MUC17: variants seen among roughly 807,000 people sequenced by gnomAD.
The protein encoded by MUC17 is mucin 17, cell surface associated.
MUC17 carries 190 observed loss-of-function variants against 170.3 expected under a neutral mutation model. The observed-to-expected ratio is 1.12, with a 90% CI of 0.99 to 1.26. The LOEUF (loss-of-function observed/expected upper bound fraction) is 1.26, where lower values mean the gene tolerates loss of function less well. Among genes scored for constraint, MUC17 ranks in the 50% most tolerant of loss-of-function variants. The probability of loss-of-function intolerance (pLI) is 0.00; values close to 1 mark genes in which losing one functional copy is unlikely to be tolerated. For missense variants in MUC17, 6,415 were observed against 5,530.0 expected, an observed-to-expected ratio of 1.16 and a Z score of -5.08; for synonymous variants, 2,325 against 2,002.5, an observed-to-expected ratio of 1.16 and a Z score of -4.30.
At chr7:101,046,710 C>A (rs1450924085) in intron 3 of MUC17, among the ~76,000 whole-genome samples, 1 of 151,838 alleles carries the variant, frequency 6.6e-6, no homozygotes, top group East Asian at 1.9e-4. Context: ...CCCAGGAGGT[C>A]AAGGCTGTAG....
chr7:101,053,105 C>T lies in MUC17; in HGVS notation c.13223C>T (p.Ala4408Val), dbSNP rs1426532033. 6.2e-7 allele frequency: 1 copy of T among 1,614,010 alleles called. No homozygotes were observed. The highest frequency in any genetic ancestry group is 1.3e-5 in the African/African-American group (1 of 74,916). ...GTGCTGATGCTGATCATCCTGGTAG[C>T]TCTCCTGATGCTCGTTTTCCGCTCC... ...GVVLMLIILV[A>V]LLMLVFRSKR... The change falls in exon 10 of 13, where the codon GCT (alanine) becomes GTT (valine). Residue 4408 changes from alanine to valine, a missense_variant. Physicochemically the swap from Ala to Val is moderately conservative, Grantham distance 64. Coordinates refer to ENST00000306151, the MANE Select transcript of MUC17 (RefSeq NM_001040105.2).
chr7:101,033,166 A>T lies in MUC17; in HGVS notation c.1750A>T (p.Ser584Cys), dbSNP rs1794347442. The T allele has an allele frequency of 6.2e-7, 1 of 1,613,970 alleles. No homozygotes were observed. The highest frequency in any genetic ancestry group is 1.1e-5 in the South Asian group (1 of 91,080). The part of the protein sequence containing the change: ...NMPVSTRLVV[S>C]SEASTTSTTP... ...GCCTGTCAGCACCAGGCTGGTGGTC[A>T]GTTCTGAGGCTAGCACCACTTCAAC... The change falls in exon 3 of 13, where the codon AGT becomes TGT. Residue 584 changes from serine to cysteine, a missense_variant. Ser to Cys is a moderately radical substitution (Grantham distance 112). Coordinates refer to ENST00000306151, the MANE Select transcript of MUC17 (RefSeq NM_001040105.2).
Position 101,020,107 on chromosome 7 carries a change from C to A in MUC17, c.-29C>A. 6.4e-7 allele frequency: 1 copy of A among 1,558,720 alleles called. No homozygotes were observed. The highest frequency in any genetic ancestry group is 8.7e-7 in the Non-Finnish European group (1 of 1,150,110). ...ATTTCGCCAGCTCCTCTGGGGGTGA[C>A]AGGCAAGTGAGACGTGCTCAGAGCT... On this transcript the variant is annotated 5_prime_UTR_variant, in exon 1 of 13. Coordinates refer to ENST00000306151, the MANE Select transcript of MUC17 (RefSeq NM_001040105.2).
Position 101,036,445 on chromosome 7 carries a change from G to A in MUC17, c.5029G>A (p.Gly1677Ser). 6.2e-7 allele frequency: 1 copy of A among 1,611,192 alleles called. No homozygotes were observed. ...EVSSSPTPAE[G>S]TSMPTSTYTE... ...CAGTTCATCTCCTACACCTGCTGAA[G>A]GTACCAGCATGCCAACCTCAACTTA... Residue 1677 changes from glycine to serine, a missense_variant, in exon 3 of 13, where the codon GGT becomes AGT. Gly to Ser is a moderately conservative substitution (Grantham distance 56). Transcript: ENST00000306151.
chr7:101,045,891 G>A (rs904164558), intron 3 of MUC17, among the ~76,000 whole-genome samples: 5 of 152,194 alleles, frequency 3.3e-5, no homozygotes, highest in African/African-American at 1.2e-4. Context: ...TCTGGTGTCG[G>A]TCACATCTTT....
intron 3 of MUC17, 52 bp from the exon 4 acceptor site, chr7:101,047,932 A>T: frequency 6.6e-7 from 1 of 1,525,194 alleles, no homozygotes; most frequent in Non-Finnish European, 8.8e-7. Context: ...CCTTCCAGTG[A>T]GGTGCCTCAA....
Position 101,038,316 on chromosome 7 carries a change from A to G in MUC17, c.6900A>G (p.Ser2300=). Residue 2300 remains serine, a synonymous_variant, in exon 3 of 13, where the codon TCA becomes TCG. Transcript: ENST00000306151. ...CCAATTCTGAGGTTAGCACCCTTTC[A>G]ACAACTCCTGTTGACTCCAACACTC... The part of the protein sequence containing the change: ...LVANSEVSTL[S]TTPVDSNTPF... The G allele has an allele frequency of 6.2e-7, 1 of 1,613,182 alleles. No homozygotes were observed. The highest frequency in any genetic ancestry group is 8.5e-7 in the Non-Finnish European group (1 of 1,179,630).
chr7:101,024,642 T>C (rs142971235), intron 1 of MUC17, among the ~76,000 whole-genome samples: 14 of 152,136 alleles, frequency 9.2e-5, no homozygotes, highest in African/African-American at 2.9e-4. Context: ...ACATGAACAA[T>C]CTATTTCTCT....
In MUC17 at chr7:101,039,384, T is replaced by C. The variant is rs780376140; in HGVS notation, c.7968T>C (p.Thr2656=). 6.2e-7 allele frequency: 1 copy of C among 1,611,902 alleles called. No homozygotes were observed. Among genetic ancestry groups the C allele is most frequent in the Non-Finnish European group, 8.5e-7 (1 of 1,179,174 alleles). The part of the protein sequence containing the change: ...ASSEASTLST[T]PVDTRTLVTT... ...CTGAGGCTAGCACCCTTTCAACAAC[T>C]CCTGTTGACACCAGGACACTTGTGA... Residue 2656 remains threonine, a synonymous_variant, in exon 3 of 13, where the codon ACT becomes ACC. Transcript: ENST00000306151.
In MUC17 at chr7:101,038,599, G is replaced by T. The variant is rs1385496302; in HGVS notation, c.7183G>T (p.Gly2395Ter). Residue 2395 changes from glycine to a stop codon, truncating the protein, a stop_gained, in exon 3 of 13, where the codon GGA becomes TGA. Coordinates refer to ENST00000306151, the MANE Select transcript of MUC17 (RefSeq NM_001040105.2). LOFTEE classifies it high-confidence loss of function. ...TSMPTSTYSE[G>*]STPLTSVPVS... ...CATGCCAACCTCAACTTATAGTGAA[G>T]GAAGCACTCCACTAACAAGTGTGCC... 1 of 1,614,086 alleles carries T rather than the reference G, an allele frequency of 6.2e-7. No individual in the cohort carries two copies. Among genetic ancestry groups the T allele is most frequent in the South Asian group, 1.1e-5 (1 of 91,082 alleles).
Position 101,040,632 on chromosome 7 carries a change from C to G in MUC17, c.9216C>G (p.Asp3072Glu), listed in dbSNP as rs550799591. The G allele has an allele frequency of 6.2e-7, 1 of 1,612,132 alleles. No individual in the cohort carries two copies. The highest frequency in any genetic ancestry group is 1.1e-5 in the South Asian group (1 of 90,916). Residue 3072 changes from aspartate (D) to glutamate (E), a missense_variant, in exon 3 of 13, where the codon GAC (aspartate) becomes GAG (glutamate). Coordinates refer to ENST00000306151, the MANE Select transcript of MUC17 (RefSeq NM_001040105.2). ...EASTLSTTPVDSNSPVVTSTE... is the reference protein window; with the variant it reads ...EASTLSTTPVESNSPVVTSTE... ...GCACCCTTTCAACAACTCCTGTTGA[C>G]TCCAACAGTCCTGTGGTCACTTCTA...
In MUC17 at chr7:101,038,366, G is replaced by T. The variant is rs1461842840; in HGVS notation, c.6950G>T (p.Ser2317Ile). ...NTPFTTSTEA[S>I]SPPPTAEGTS... ...CCTTTCACTACTTCTACTGAAGCCA[G>T]TTCACCTCCTCCCACTGCTGAAGGT... Residue 2317 changes from serine to isoleucine, a missense_variant, in exon 3 of 13, where the codon AGT becomes ATT. Transcript: ENST00000306151. The T allele has an allele frequency of 1.9e-6, 3 of 1,613,004 alleles. No individual in the cohort carries two copies. The South Asian group carries it at 3.3e-5, about 18-fold the overall frequency.
At position 101,033,102 on chromosome 7, in the gene MUC17, C is replaced by T; in HGVS notation, c.1686C>T (p.Thr562=). Residue 562 remains threonine (T), a synonymous_variant, in exon 3 of 13, where the codon ACC becomes ACT. Transcript: ENST00000306151. ...CTCCTGAAGGTACCAGCATACCAAC[C>T]TCAACTCCTAGTGAAGGAAGCACTC... The part of the protein sequence containing the change: ...STTPEGTSIP[T]STPSEGSTPL... 1.2e-6 allele frequency: 2 copies of T among 1,612,026 alleles called. No homozygotes were observed. Among genetic ancestry groups the T allele is most frequent in the Non-Finnish European group, 1.7e-6 (2 of 1,178,762 alleles).
At chr7:101,050,679 G>C in intron 7 of MUC17, 44 bp downstream of exon 7, 3 of 1,595,216 alleles carry the variant, frequency 1.9e-6, no homozygotes, top group Non-Finnish European at 2.6e-6. Flanking sequence ...AGGCATCAGA[G>C]CTGGGGCATG....
intron 1 of MUC17, among the ~76,000 whole-genome samples, chr7:101,024,517 C>A (rs981153366): frequency 3.3e-5 from 5 of 152,148 alleles, no homozygotes; most frequent in Non-Finnish European, 7.4e-5. Context: ...TCTCTTCCAT[C>A]CCCATCCTCC....
At chr7:101,020,608 A>T (rs1175415480) in intron 1 of MUC17, among the ~76,000 whole-genome samples, 3 of 152,028 alleles carry the variant, frequency 2.0e-5, no homozygotes, top group Non-Finnish European at 4.4e-5. Context: ...TACCCAGTGA[A>T]TGTTCCCGCC....
chr7:101,042,202 C>A lies in MUC17; in HGVS notation c.10786C>A (p.Pro3596Thr), dbSNP rs199851758. 36 of 1,614,054 alleles carry A rather than the reference C, an allele frequency of 2.2e-5. No individual in the cohort carries two copies. The Admixed American group carries it at 4.2e-4, about 19-fold the overall frequency. The change falls in exon 3 of 13, where the codon CCT becomes ACT. Residue 3596 changes from proline to threonine, a missense_variant. Coordinates refer to ENST00000306151, the MANE Select transcript of MUC17 (RefSeq NM_001040105.2). ...TGTGACCAGTTCTGAGGCTAGCACA[C>A]CTTCCACTCCTTCTGTTGACAGAAG... ...TYVTSSEASTPSTPSVDRSTP... is the reference protein window; with the variant it reads ...TYVTSSEASTTSTPSVDRSTP...
rs2116409492 is a variant in MUC17, at chr7:101,032,814, T to G, written c.1398T>G (p.Ser466Arg). 6.2e-7 allele frequency: 1 copy of G among 1,613,978 alleles called. No individual in the cohort carries two copies. Among genetic ancestry groups the G allele is most frequent in the East Asian group, 2.2e-5 (1 of 44,860 alleles). ...SMPVSTTPVASSEASNLSTTP... is the reference protein window; with the variant it reads ...SMPVSTTPVARSEASNLSTTP... ...CTGTCAGCACCACTCCAGTGGCCAG[T>G]TCTGAGGCTAGCAACCTTTCAACAA... The change falls in exon 3 of 13, where the codon AGT becomes AGG. Residue 466 changes from serine (S) to arginine (R), a missense_variant. Physicochemically the swap from Ser to Arg is moderately radical, Grantham distance 110. Transcript: ENST00000306151.
At chr7:101,052,326 T>A (rs1329669842) in intron 9 of MUC17, among the ~76,000 whole-genome samples, 1 of 151,910 alleles carries the variant, frequency 6.6e-6, no homozygotes, top group Admixed American at 6.6e-5. Flanking sequence ...TACACACCCA[T>A]ATGGGGAGTG....
Sources: gnomAD v4.1 joint callset for allele counts (sites outside exome capture counted in the v4.1 genomes callset) on GRCh38, gnomAD v4.1.1 for gene constraint, MANE v1.5 for transcripts, NCBI Gene and HGNC (gene_info 2026-07-23, HGNC 2026-07-21) for gene names.